Variants in CADM2 observed in about 807,000 individuals in gnomAD.
CADM2 encodes the protein cell adhesion molecule 2.
CADM2 carries 12 observed loss-of-function variants against 49.8 expected under a neutral mutation model. The observed-to-expected ratio is 0.24, with a 90% CI of 0.15 to 0.39. CADM2 has a LOEUF of 0.39. Ranked by LOEUF, CADM2 falls within the 10% of genes least tolerant of loss-of-function variation. CADM2 has a pLI of 1.00. For synonymous variants in CADM2, 214 were observed against 175.4 expected (o/e 1.22, Z -1.74); for missense variants, 378 against 492.3 (o/e 0.77, Z 2.20).
At chr3:85,346,938 T>C (rs1054195366) in intron 1 of CADM2, among the ~76,000 whole-genome samples, 1 of 152,176 alleles carries the variant, frequency 6.6e-6, no homozygotes, top group Admixed American at 6.5e-5. Context: ...ATTTAGTATA[T>C]AAACTACAAG....
chr3:85,482,632 G>A (rs1442592432), intron 1 of CADM2, among the ~76,000 whole-genome samples: 1 of 151,596 alleles, frequency 6.6e-6, no homozygotes, highest in Non-Finnish European at 1.5e-5. Flanking sequence ...TATTTTAAAA[G>A]AAAATTTAGT....
Position 85,873,492 on chromosome 3 carries a change from T to C in CADM2, c.239-9799T>C, listed in dbSNP as rs568465045. Among the ~76,000 whole-genome samples the C allele has an allele frequency of 2.6e-4, 39 of 152,000 alleles. No homozygotes were observed. The East Asian group carries it at 6.8e-3, about 27-fold the overall frequency. ...ACCAGCCTGGCCAACCTGGTGAAAC[T>C]TCGTCTCTACTAAAAATAGGAAAAT... On this transcript the variant is annotated intron_variant, in intron 3 of 9. Transcript: ENST00000383699.
At chr3:85,617,140 A>T (rs2063822288) in intron 1 of CADM2, among the ~76,000 whole-genome samples, 1 of 152,090 alleles carries the variant, frequency 6.6e-6, no homozygotes, top group Admixed American at 6.6e-5. Context: ...ATCTACCTGA[A>T]GATGATGTCA....
chr3:85,163,959 C>T (rs1292573223), intron 1 of CADM2, among the ~76,000 whole-genome samples: 3 of 152,130 alleles, frequency 2.0e-5, no homozygotes, highest in Admixed American at 6.5e-5. Context: ...TCATTCCCCC[C>T]AGGCAATTAT....
chr3:85,441,318 A>G (rs1040097099), intron 1 of CADM2, among the ~76,000 whole-genome samples: 1 of 151,958 alleles, frequency 6.6e-6, no homozygotes, highest in Non-Finnish European at 1.5e-5. Context: ...TTTTCACATT[A>G]CAGTTCACAA....
intron 2 of CADM2, among the ~76,000 whole-genome samples, chr3:85,739,373 G>T (rs968398749): frequency 6.6e-6 from 1 of 152,000 alleles, no homozygotes; most frequent in Non-Finnish European, 1.5e-5. Context: ...TGATAGAGAT[G>T]AATACATTTA....
intron 1 of CADM2, among the ~76,000 whole-genome samples, chr3:85,186,721 C>G (rs956989891): frequency 3.3e-5 from 5 of 151,782 alleles, no homozygotes; most frequent in Non-Finnish European, 5.9e-5. Context: ...GGAAACGTCT[C>G]CAGAGGTTAC....
chr3:85,398,064 G>T (rs1338009417), intron 1 of CADM2, among the ~76,000 whole-genome samples: 1 of 151,800 alleles, frequency 6.6e-6, no homozygotes, highest in Non-Finnish European at 1.5e-5. Context: ...GTGCAGGTTA[G>T]TTACATATGT....
intron 1 of CADM2, among the ~76,000 whole-genome samples, chr3:85,204,515 T>C (rs1343521897): frequency 6.6e-6 from 1 of 152,170 alleles, no homozygotes; most frequent in Non-Finnish European, 1.5e-5. Context: ...TAGTTGCTTG[T>C]TCCTCACTAT....
intron 1 of CADM2, among the ~76,000 whole-genome samples, chr3:85,624,704 G>A (rs922015677): frequency 1.3e-5 from 2 of 152,066 alleles, no homozygotes; most frequent in Non-Finnish European, 2.9e-5. Context: ...TTTTTAGAAG[G>A]TGTAGTCTCC....
chr3:85,119,825 G>T (rs968823212), intron 1 of CADM2, among the ~76,000 whole-genome samples: 6 of 152,268 alleles, frequency 3.9e-5, no homozygotes, highest in African/African-American at 1.4e-4. Flanking sequence ...GTATATGAAT[G>T]CTTGTGAATT....
At chr3:86,051,714 G>T (rs1737359929) in intron 8 of CADM2, among the ~76,000 whole-genome samples, 7 of 152,116 alleles carry the variant, frequency 4.6e-5, no homozygotes. Context: ...GGGGGAGCCA[G>T]AACTTCACAT....
chr3:85,577,277 C>T (rs887245406), intron 1 of CADM2, among the ~76,000 whole-genome samples: 1 of 152,062 alleles, frequency 6.6e-6, no homozygotes, highest in East Asian at 1.9e-4. Flanking sequence ...CCCAATATAA[C>T]GGGGTTGAAA....
chr3:85,619,283 G>T (rs1380751508), intron 1 of CADM2, among the ~76,000 whole-genome samples: 1 of 150,344 alleles, frequency 6.7e-6, no homozygotes, highest in African/African-American at 2.5e-5. Flanking sequence ...TAGATTTATT[G>T]ATATTTTTTC....
intron 1 of CADM2, among the ~76,000 whole-genome samples, chr3:85,190,213 T>G (rs1044276583): frequency 6.6e-6 from 1 of 152,086 alleles, no homozygotes; most frequent in African/African-American, 2.4e-5. Context: ...TCACTGGGGA[T>G]CATTTCAGAG....
chr3:85,579,255 T>G (rs2062726342), intron 1 of CADM2, among the ~76,000 whole-genome samples: 1 of 152,158 alleles, frequency 6.6e-6, no homozygotes, highest in Non-Finnish European at 1.5e-5. Context: ...TTCTTCCTCA[T>G]TTTGTTATTT....
intron 1 of CADM2, among the ~76,000 whole-genome samples, chr3:85,362,861 AT>A (rs1389850732): frequency 1.3e-5 from 2 of 152,186 alleles, no homozygotes; most frequent in Non-Finnish European, 2.9e-5. Flanking sequence ...TTTTATTGTA[AT>A]ATAAAAGGAA....
chr3:85,726,310 T>C (rs1161434749), intron 1 of CADM2, among the ~76,000 whole-genome samples: 5 of 152,082 alleles, frequency 3.3e-5, no homozygotes, highest in Non-Finnish European at 7.4e-5. Context: ...ACATGGCTCC[T>C]GTCTGCTCTT....
intron 1 of CADM2, among the ~76,000 whole-genome samples, chr3:85,692,417 A>G (rs1217353587): frequency 1.3e-5 from 2 of 152,210 alleles, no homozygotes; most frequent in African/African-American, 4.8e-5. Context: ...TTATAATAAT[A>G]AAAGAAGTTG....
Sources: gnomAD v4.1 joint callset for allele counts (sites outside exome capture counted in the v4.1 genomes callset) on GRCh38, gnomAD v4.1.1 for gene constraint, MANE v1.5 for transcripts, NCBI Gene and HGNC (gene_info 2026-07-23, HGNC 2026-07-21) for gene names.